STYXL1: variants seen among roughly 807,000 people sequenced by gnomAD.
STYXL1 encodes the protein serine/threonine/tyrosine interacting like 1.
Under a neutral mutation model 36.4 loss-of-function variants are expected in STYXL1, and 32 were observed. The ratio of observed to expected loss-of-function variants is 0.88; its 90% confidence interval spans 0.66 to 1.18. STYXL1 has a LOEUF of 1.18. STYXL1 is among the 50% of genes most tolerant of loss of function. The pLI, the probability that STYXL1 is intolerant of heterozygous loss-of-function variation, is 0.00. For synonymous variants in STYXL1, 133 were observed against 144.1 expected, an observed-to-expected ratio of 0.92 and a Z score of 0.55; for missense variants, 354 against 394.1, an observed-to-expected ratio of 0.90 and a Z score of 0.86.
rs1387522837 is a variant in STYXL1 at position 75,996,483 on chromosome 7, CATG to C, written c.924_926del (p.Ile308del). On this transcript the variant is annotated inframe_deletion, in exon 9 of 9. Transcript: ENST00000359697. ...TCGGAGAAGATCAGTAGAGCGGATC[CATG>C]ATGTTTGTGATGGAATCTCCAAGGA... 1.2e-6 allele frequency: 2 copies of C among 1,614,092 alleles called. No homozygotes were observed. The highest frequency in any genetic ancestry group is 1.7e-6 in the Non-Finnish European group (2 of 1,180,052).
intron 1 of STYXL1, among the ~76,000 whole-genome samples, chr7:76,032,510 A>C (rs374258313): frequency 6.6e-6 from 1 of 151,984 alleles, no homozygotes; most frequent in African/African-American, 2.4e-5. Flanking sequence ...CAGGAGTTCA[A>C]GACCAACATG....
chr7:76,029,669 T>G (rs782129697), intron 2 of STYXL1, among the ~76,000 whole-genome samples: 3 of 151,030 alleles, frequency 2.0e-5, no homozygotes, highest in Non-Finnish European at 4.4e-5. Flanking sequence ...AACCCTGAAC[T>G]TGTTTTCCTG....
At chr7:75,999,367 TAA>T (rs1357201275) in intron 8 of STYXL1, among the ~76,000 whole-genome samples, 1 of 152,096 alleles carries the variant, frequency 6.6e-6, no homozygotes, top group African/African-American at 2.4e-5. Context: ...GAGGGGAAAG[TAA>T]AGAGTTGCTG....
At chr7:76,045,366 G>A (rs1796853452) in intron 1 of STYXL1, 1 of 151,060 alleles carries the variant, frequency 6.6e-6, no homozygotes, top group Non-Finnish European at 1.5e-5. Flanking sequence ...TACAAGGTCA[G>A]TCTAATCTTC....
chr7:76,012,951 G>GT (rs1319550297), intron 5 of STYXL1, among the ~76,000 whole-genome samples: 1 of 152,172 alleles, frequency 6.6e-6, no homozygotes, highest in African/African-American at 2.4e-5. Flanking sequence ...TCTGACCTTG[G>GT]TATCGGTCCA....
At chr7:76,021,670 C>A (rs1426984429) in intron 4 of STYXL1, among the ~76,000 whole-genome samples, 181 bp downstream of exon 4, 2 of 152,156 alleles carry the variant, frequency 1.3e-5, no homozygotes, top group Non-Finnish European at 2.9e-5. Flanking sequence ...TATTTGAGGG[C>A]CTCCTCCCAT....
chr7:76,022,576 G>A (rs1421236886), intron 3 of STYXL1, among the ~76,000 whole-genome samples: 2 of 152,126 alleles, frequency 1.3e-5, no homozygotes, highest in African/African-American at 2.4e-5. Context: ...GAAGTGGACG[G>A]ATCACTTGAG....
chr7:76,032,471 G>A (rs1270291736), intron 1 of STYXL1, among the ~76,000 whole-genome samples: 3 of 151,332 alleles, frequency 2.0e-5, no homozygotes, highest in African/African-American at 7.3e-5. Flanking sequence ...AGCACTTTTC[G>A]AGGCTGAGGC....
In STYXL1 at chr7:75,996,441, G is replaced by T; in HGVS notation, c.*27C>A. The T allele has an allele frequency of 6.2e-7, 1 of 1,614,134 alleles. No homozygotes were observed. The highest frequency in any genetic ancestry group is 1.1e-5 in the South Asian group (1 of 91,086). On this transcript the variant is annotated 3_prime_UTR_variant, in exon 9 of 9. Transcript: ENST00000359697. ...AAATGCCCCCAGGTGAGGCTCTTCA[G>T]TACCCTTCGGTGGGCCTCGGAGAAG...
At position 76,022,005 on chromosome 7, in the gene STYXL1, A is replaced by AAAC; in HGVS notation, c.166-14_166-13insGTT. ...ATTCATTATTTTTCTTAAAAAAAAA[A>AAAC]ACACACACACACAAGAGAGGCCTGT... is the stretch of plus-strand genomic sequence containing the variant. On this transcript the variant is annotated splice_polypyrimidine_tract_variant and intron_variant, in intron 3 of 8. Transcript: ENST00000359697. The AAAC allele has an allele frequency of 1.3e-6, 2 of 1,593,662 alleles. No homozygotes were observed. Among genetic ancestry groups the AAAC allele is most frequent in the Non-Finnish European group, 8.5e-7 (1 of 1,174,696 alleles).
At chr7:76,046,543 C>T (rs890628428) in intron 1 of STYXL1, among the ~76,000 whole-genome samples, 2 of 151,220 alleles carry the variant, frequency 1.3e-5, no homozygotes, top group Non-Finnish European at 2.9e-5. Flanking sequence ...GATGGGGTTT[C>T]GCCACATTAG....
At chr7:76,041,374 G>T (rs1194817710) in intron 1 of STYXL1, among the ~76,000 whole-genome samples, 6 of 152,010 alleles carry the variant, frequency 3.9e-5, no homozygotes, top group African/African-American at 1.5e-4. Flanking sequence ...GGTGAGGAGG[G>T]TGTGTTATGG....
chr7:76,041,867 G>C (rs545440705), intron 1 of STYXL1, among the ~76,000 whole-genome samples: 2 of 152,338 alleles, frequency 1.3e-5, no homozygotes, highest in African/African-American at 2.4e-5. Context: ...GAATGGAAAG[G>C]AGCATGAGAG....
intron 1 of STYXL1, among the ~76,000 whole-genome samples, chr7:76,037,662 T>C (rs1554581026): frequency 6.7e-6 from 1 of 149,830 alleles, no homozygotes; most frequent in African/African-American, 2.4e-5. Flanking sequence ...TCGAGGATAC[T>C]GCAGGCTTGA....
At chr7:76,019,274 GTTTT>G (rs1226129706) in intron 4 of STYXL1, among the ~76,000 whole-genome samples, 2 of 149,102 alleles carry the variant, frequency 1.3e-5, no homozygotes, top group African/African-American at 4.9e-5. Flanking sequence ...AACTCTAACT[GTTTT>G]TTTCTTTTTT....
rs1554581241 is a variant in STYXL1 at position 76,038,422 on chromosome 7, A to AT, written c.-4-7896dup. ...GCTTTATGTTTGGGAATTGAATGAC[A>AT]TTTTTTTTTTTTTTTTTCCTGAGAC... On this transcript the variant is annotated intron_variant, in intron 1 of 8. Coordinates refer to ENST00000359697, the MANE Select transcript of STYXL1 (RefSeq NM_001317785.2). 6.0e-3 allele frequency among the ~76,000 whole-genome samples: 791 copies of AT among 132,228 alleles called. 18 individuals carry two copies. The highest frequency in any genetic ancestry group is 0.019 in the African/African-American group (682 of 36,200). The allele number at this position is 132,228 out of a possible 152,430, so 86.7% of individuals were successfully genotyped here. A position where few individuals can be genotyped will look rare whatever the true frequency, so the allele number is the denominator to read the frequency against.
chr7:76,032,071 C>G (rs1224004992), intron 1 of STYXL1, among the ~76,000 whole-genome samples: 2 of 152,046 alleles, frequency 1.3e-5, no homozygotes, highest in Non-Finnish European at 2.9e-5. Context: ...GAATTCAAGA[C>G]CAGCCTGGAC....
intron 1 of STYXL1, chr7:76,045,775 G>C (rs145936645): frequency 6.6e-6 from 1 of 152,158 alleles, no homozygotes; most frequent in African/African-American, 2.4e-5. Context: ...TCATGGGACC[G>C]GCACAATCTA....
chr7:76,008,191 C>T (rs781873686), intron 5 of STYXL1, among the ~76,000 whole-genome samples: 5 of 56,460 alleles, frequency 8.9e-5, no homozygotes, highest in Middle Eastern at 0.023. Flanking sequence ...AAGAGCAAAA[C>T]TCCATCTCAA....
Sources: allele counts gnomAD v4.1 joint callset (sites outside exome capture counted in the v4.1 genomes callset), GRCh38; gene constraint gnomAD v4.1.1; transcripts MANE v1.5; gene names NCBI Gene and HGNC (gene_info 2026-07-23, HGNC 2026-07-21).